Variants in UQCC6 observed in about 807,000 individuals in gnomAD.
The protein encoded by UQCC6 is protein BRAWNIN.
the UQCC6 span, among the ~76,000 whole-genome samples, chr12:103,958,108 C>A: frequency 6.8e-6 from 1 of 147,862 alleles, no homozygotes; most frequent in Non-Finnish European, 1.5e-5. Context: ...CCCAGCTACT[C>A]GGGAGGCTGA....
chr12:103,959,540 C>T, the UQCC6 span, among the ~76,000 whole-genome samples: 4 of 151,698 alleles, frequency 2.6e-5, no homozygotes, highest in Non-Finnish European at 4.4e-5. Flanking sequence ...CAGTAAAACC[C>T]CATCTCTACT....
the UQCC6 span, chr12:103,951,354 G>A: frequency 2.0e-6 from 1 of 491,554 alleles, no homozygotes; most frequent in Non-Finnish European, 3.6e-6. Flanking sequence ...CAGTTTTCAA[G>A]AAATATCAAT....
chr12:103,961,537 TTTGTTGTTGTTGTTG>T, the UQCC6 span, among the ~76,000 whole-genome samples: 42 of 150,572 alleles, frequency 2.8e-4, no homozygotes, highest in African/African-American at 9.3e-4. Flanking sequence ...ACTGTTTGGT[TTTGTTGTTGTTGTTG>T]TTGTTGTTGT....
the UQCC6 span, chr12:103,951,302 C>T: frequency 2.5e-6 from 1 of 407,884 alleles, no homozygotes; most frequent in African/African-American, 2.0e-5. Flanking sequence ...TAAACATCTT[C>T]CAAACCATAT....
chr12:103,961,425 A>G, the UQCC6 span, among the ~76,000 whole-genome samples: 1 of 152,238 alleles, frequency 6.6e-6, no homozygotes, highest in African/African-American at 2.4e-5. Flanking sequence ...AGTAGCGTAC[A>G]GCAATGTCCT....
chr12:103,962,217 A>C, the UQCC6 span, among the ~76,000 whole-genome samples: 1 of 152,160 alleles, frequency 6.6e-6, no homozygotes. Context: ...TATGTTCTGG[A>C]CACAAGTCCT....
At chr12:103,962,107 T>C in the UQCC6 span, among the ~76,000 whole-genome samples, 1 of 152,160 alleles carries the variant, frequency 6.6e-6, no homozygotes, top group East Asian at 1.9e-4. Flanking sequence ...AATGACCATA[T>C]TTTCTTGTGC....
At chr12:103,963,192 G>A in the UQCC6 span, among the ~76,000 whole-genome samples, 2 of 151,322 alleles carry the variant, frequency 1.3e-5, no homozygotes, top group African/African-American at 4.9e-5. Flanking sequence ...TCCCATCCCA[G>A]CCTCCTGAGT....
At chr12:103,956,854 G>A in the UQCC6 span, 3 of 698,598 alleles carry the variant, frequency 4.3e-6, no homozygotes, top group African/African-American at 5.3e-5. Flanking sequence ...CACGGCGGCG[G>A]GGGTGCAGGA....
the UQCC6 span, among the ~76,000 whole-genome samples, chr12:103,953,131 A>G: frequency 1.3e-5 from 2 of 152,180 alleles, no homozygotes; most frequent in South Asian, 4.1e-4. Flanking sequence ...AGCTTTGCTG[A>G]GAATAGACCA....
At chr12:103,964,364 C>T in the UQCC6 span, among the ~76,000 whole-genome samples, 4 of 152,086 alleles carry the variant, frequency 2.6e-5, no homozygotes, top group South Asian at 6.2e-4. Flanking sequence ...GTGATCCACC[C>T]GCCTCGGCCT....
the UQCC6 span, chr12:103,954,724 GAA>G: frequency 1.0e-5 from 5 of 499,328 alleles, no homozygotes; most frequent in African/African-American, 5.9e-5. Context: ...CACCAAACAA[GAA>G]ACAGTAGTTA....
the UQCC6 span, among the ~76,000 whole-genome samples, chr12:103,964,310 G>A: frequency 6.6e-6 from 1 of 152,020 alleles, no homozygotes; most frequent in East Asian, 1.9e-4. Context: ...CAGAGATGGG[G>A]TTTCGACATG....
the UQCC6 span, among the ~76,000 whole-genome samples, chr12:103,952,561 T>C: frequency 1.3e-5 from 2 of 152,230 alleles, no homozygotes; most frequent in Admixed American, 6.5e-5. Flanking sequence ...TGCTGGGTCA[T>C]ATGGAAACTG....
the UQCC6 span, among the ~76,000 whole-genome samples, chr12:103,962,473 C>T: frequency 8.2e-3 from 1,242 of 152,054 alleles, 20 homozygotes; most frequent in African/African-American, 0.027. Context: ...GCAGGAGGTG[C>T]GACTTGACTC....
the UQCC6 span, among the ~76,000 whole-genome samples, chr12:103,964,204 G>C: frequency 7.6e-6 from 1 of 130,830 alleles, no homozygotes; most frequent in Non-Finnish European, 1.5e-5. Context: ...CCAGGCTGGA[G>C]GGCAGTGGTT....
chr12:103,957,900 T>C, the UQCC6 span, among the ~76,000 whole-genome samples: 2 of 145,210 alleles, frequency 1.4e-5, no homozygotes, highest in Non-Finnish European at 3.0e-5. Flanking sequence ...AAAATATATA[T>C]ATATAATATA....
the UQCC6 span, chr12:103,950,462 T>G: frequency 6.6e-6 from 1 of 152,228 alleles, no homozygotes; most frequent in Admixed American, 6.5e-5. Context: ...GGCCTTTCTA[T>G]TCTCACCTCC....
At chr12:103,957,487 T>C in the UQCC6 span, among the ~76,000 whole-genome samples, 4 of 152,198 alleles carry the variant, frequency 2.6e-5, no homozygotes, top group African/African-American at 9.6e-5. Context: ...TTTACCACTT[T>C]TTTAGGAGGG....
Sources: allele counts gnomAD v4.1 joint callset (sites outside exome capture counted in the v4.1 genomes callset), GRCh38; gene constraint gnomAD v4.1.1; transcripts MANE v1.5; gene names NCBI Gene and HGNC (gene_info 2026-07-23, HGNC 2026-07-21).